The following PTPRN2 variants were observed in gnomAD, a reference collection of about 807,000 sequenced individuals.
The protein encoded by PTPRN2 is protein tyrosine phosphatase receptor type N2.
A neutral mutation model predicts 118.8 loss-of-function variants in PTPRN2; 74 were observed. The ratio of observed to expected loss-of-function variants is 0.62; its 90% CI spans 0.52 to 0.76. The LOEUF is 0.76. PTPRN2 is among the 30% of genes least tolerant of loss of function. PTPRN2 has a pLI of 0.00. For synonymous variants in PTPRN2, 641 were observed against 608.0 expected (o/e 1.05, Z -0.80); for missense variants, 1,481 against 1,394.4 (o/e 1.06, Z -0.99).
In PTPRN2 at chr7:158,313,166, G is replaced by A. The variant is rs117935020; in HGVS notation, c.277+3653C>T. Among the ~76,000 whole-genome samples the A allele has an allele frequency of 1.7e-3, 266 of 152,284 alleles. 2 individuals carry two copies. In the East Asian group the frequency reaches 0.038, roughly 22 times the overall value. ...AGCATGTGAATGCATGTGCAGGTAC[G>A]TGTGCCTTCGCAGCATGCCCACCTT... is the stretch of plus-strand genomic sequence containing the variant. On this transcript the variant is annotated intron_variant, in intron 3 of 22. Coordinates refer to ENST00000389418, the MANE Select transcript of PTPRN2 (RefSeq NM_002847.5).
At chr7:157,843,869 A>C (rs1477182345) in intron 12 of PTPRN2, among the ~76,000 whole-genome samples, 1 of 152,208 alleles carries the variant, frequency 6.6e-6, no homozygotes, top group Non-Finnish European at 1.5e-5. Context: ...TCGGGGCTGC[A>C]TGGCATTCCT....
chr7:158,246,749 G>A (rs112150257), intron 3 of PTPRN2, among the ~76,000 whole-genome samples: 6 of 151,978 alleles, frequency 3.9e-5, no homozygotes, highest in African/African-American at 9.7e-5. Context: ...CAGCAACGAC[G>A]ACAGTGAATC....
intron 5 of PTPRN2, among the ~76,000 whole-genome samples, chr7:158,190,634 C>T (rs769115165): frequency 3.3e-5 from 5 of 152,204 alleles, no homozygotes; most frequent in Non-Finnish European, 7.3e-5. Flanking sequence ...AAGACCCCCA[C>T]CCTCCACCAT....
intron 11 of PTPRN2, among the ~76,000 whole-genome samples, chr7:157,911,873 G>A (rs1052677354): frequency 6.6e-6 from 1 of 152,024 alleles, no homozygotes; most frequent in African/African-American, 2.4e-5. Context: ...TGCTAACCCT[G>A]TGTTCTGAGA....
At position 157,615,070 on chromosome 7, in the gene PTPRN2, C is replaced by T. The variant is rs953789963; in HGVS notation, c.2344+6292G>A. Among the ~76,000 whole-genome samples the T allele has an allele frequency of 9.9e-5, 15 of 152,206 alleles. No homozygotes were observed. Among genetic ancestry groups the T allele is most frequent in the African/African-American group, 3.6e-4 (15 of 41,446 alleles). ...AGGCTAAAGTATTTGGACGTCATGACGCCTGATACTTACTTGAAGTCGTCC... is the reference window on the plus strand; with the variant it reads ...AGGCTAAAGTATTTGGACGTCATGATGCCTGATACTTACTTGAAGTCGTCC... On this transcript the variant is annotated intron_variant, in intron 15 of 22. Transcript: ENST00000389418. The surrounding 1 kb of genome is among the most constrained non-coding windows in gnomAD (Gnocchi z 4.3).
intron 4 of PTPRN2, among the ~76,000 whole-genome samples, chr7:158,203,783 T>C (rs73173702): frequency 6.6e-6 from 1 of 152,100 alleles, no homozygotes; most frequent in African/African-American, 2.4e-5. Context: ...ACATCCAAAA[T>C]AGAAATTCAA....
intron 2 of PTPRN2, among the ~76,000 whole-genome samples, chr7:158,325,589 A>G (rs916719767): frequency 1.3e-5 from 2 of 152,248 alleles, no homozygotes; most frequent in Non-Finnish European, 2.9e-5. Flanking sequence ...CTGCCTGGAA[A>G]CTATCAGAAC....
At chr7:158,580,127 C>T (rs370940220) in intron 1 of PTPRN2, among the ~76,000 whole-genome samples, 4 of 152,366 alleles carry the variant, frequency 2.6e-5, no homozygotes, top group Non-Finnish European at 5.9e-5. Context: ...CCCCTGCCTC[C>T]GGCTAAGAAA....
intron 12 of PTPRN2, among the ~76,000 whole-genome samples, chr7:157,894,051 C>T (rs1796963633): frequency 6.6e-6 from 1 of 152,216 alleles, no homozygotes; most frequent in Non-Finnish European, 1.5e-5. Flanking sequence ...GTTTTAGTCA[C>T]TGCTGTAGTT....
chr7:158,075,239 C>T (rs1812249680), intron 11 of PTPRN2, among the ~76,000 whole-genome samples: 1 of 152,206 alleles, frequency 6.6e-6, no homozygotes, highest in Admixed American at 6.5e-5. Flanking sequence ...TCATGGGGTG[C>T]AGCTCCTACC....
At chr7:157,885,265 T>C (rs917116184) in intron 12 of PTPRN2, among the ~76,000 whole-genome samples, 14 of 152,168 alleles carry the variant, frequency 9.2e-5, no homozygotes, top group African/African-American at 3.1e-4. Context: ...CTTGGCTCCA[T>C]GTTCACTGTC....
intron 10 of PTPRN2, among the ~76,000 whole-genome samples, chr7:158,108,300 G>A (rs536239922): frequency 1.0e-3 from 159 of 151,612 alleles, no homozygotes; most frequent in African/African-American, 3.6e-3. Context: ...CACCACACCC[G>A]CCTTGCACCT....
At chr7:157,749,442 T>G in intron 12 of PTPRN2, among the ~76,000 whole-genome samples, 2 of 113,030 alleles carry the variant, frequency 1.8e-5, no homozygotes, top group South Asian at 3.3e-4. Context: ...TACAGGCTGT[T>G]GAGGTGATTC....
At chr7:158,515,545 G>C (rs1178338839) in intron 1 of PTPRN2, among the ~76,000 whole-genome samples, 1 of 152,176 alleles carries the variant, frequency 6.6e-6, no homozygotes, top group African/African-American at 2.4e-5. Flanking sequence ...TTACAGACCA[G>C]TTTCCCTTCT....
At position 158,258,193 on chromosome 7, in the gene PTPRN2, C is replaced by T. The variant is rs527681466; in HGVS notation, c.278-52920G>A. On this transcript the variant is annotated intron_variant, in intron 3 of 22. Coordinates refer to ENST00000389418, the MANE Select transcript of PTPRN2 (RefSeq NM_002847.5). ...CCTGGGATTTCTCCTGGAGCATTCC[C>T]GACGTCCACACACCACATTTCCTCC... Among the ~76,000 whole-genome samples the T allele has an allele frequency of 5.3e-5, 8 of 152,314 alleles. No individual in the cohort carries two copies. In the East Asian group the frequency reaches 5.8e-4, roughly 11 times the overall value.
intron 11 of PTPRN2, among the ~76,000 whole-genome samples, chr7:157,962,018 C>T (rs1801576146): frequency 6.6e-6 from 1 of 152,206 alleles, no homozygotes. Flanking sequence ...TTCCCTCCTG[C>T]TGAAGAGGCC....
chr7:158,250,051 A>G (rs1317145734), intron 3 of PTPRN2, among the ~76,000 whole-genome samples: 2 of 152,216 alleles, frequency 1.3e-5, no homozygotes, highest in East Asian at 3.9e-4. Context: ...ACTCAGATGC[A>G]TTTATGGTCT....
chr7:158,345,542 A>G (rs533736289), intron 2 of PTPRN2, among the ~76,000 whole-genome samples: 7 of 152,018 alleles, frequency 4.6e-5, no homozygotes, highest in African/African-American at 1.7e-4. Context: ...CCCGTGGAAA[A>G]ACCTCCTGAA....
At chr7:158,170,441 G>A (rs1823433505) in intron 5 of PTPRN2, among the ~76,000 whole-genome samples, 1 of 152,212 alleles carries the variant, frequency 6.6e-6, no homozygotes, top group South Asian at 2.1e-4. Flanking sequence ...GGACTGACTA[G>A]GTTCAGTGCA....
Sources: gnomAD v4.1 joint callset for allele counts (sites outside exome capture counted in the v4.1 genomes callset) on GRCh38, gnomAD v4.1.1 for gene constraint, Gnocchi (gnomAD v3.1) non-coding constraint, MANE v1.5 for transcripts, NCBI Gene and HGNC (gene_info 2026-07-23, HGNC 2026-07-21) for gene names.